Variants in ATP8A1 observed in about 807,000 individuals in gnomAD.
ATP8A1 encodes the protein phospholipid-transporting ATPase IA.
In ATP8A1, 90 loss-of-function variants were observed where a neutral mutation model predicts 177.7. The ratio of observed to expected loss-of-function variants is 0.51; its 90% CI spans 0.43 to 0.60. The LOEUF is 0.60. Among genes scored for constraint, ATP8A1 ranks in the 20% least tolerant of loss-of-function variants. The pLI is 0.00. For synonymous variants in ATP8A1, 493 were observed against 485.9 expected, an observed-to-expected ratio of 1.01 and a Z score of -0.19; for missense variants, 1,072 against 1,392.8, an observed-to-expected ratio of 0.77 and a Z score of 3.67.
chr4:42,442,831 T>C (rs1344828568), intron 33 of ATP8A1, among the ~76,000 whole-genome samples: 1 of 152,192 alleles, frequency 6.6e-6, no homozygotes, highest in Non-Finnish European at 1.5e-5. Context: ...TTACCTTGAT[T>C]TGCAAGTTAC....
At chr4:42,581,771 TA>T in intron 9 of ATP8A1, 39 bp from the exon 10 acceptor site, 1 of 1,464,546 alleles carries the variant, frequency 6.8e-7, no homozygotes, top group Non-Finnish European at 9.5e-7. Context: ...CAGTATTTTC[TA>T]AAATGCTTAA....
rs762230635 is a variant in ATP8A1 at position 42,627,135 on chromosome 4, C to T, written c.50-26G>A. 1.9e-5 allele frequency: 30 copies of T among 1,559,924 alleles called. No homozygotes were observed. The South Asian group carries it at 3.0e-4, about 16-fold the overall frequency. ...CTTAAAAAGAGATCTTCTTATTGTA[C>T]AAGAAATGTTTTATTGTCCAGACCA... On this transcript the variant is annotated intron_variant, in intron 1 of 36. Transcript: ENST00000381668.
intron 5 of ATP8A1, among the ~76,000 whole-genome samples, chr4:42,614,021 T>C (rs1736653682): frequency 6.6e-6 from 1 of 152,106 alleles, no homozygotes; most frequent in Admixed American, 6.6e-5. Context: ...TTGAATTGAG[T>C]TTTATATATA....
intron 18 of ATP8A1, 83 bp downstream of exon 18, chr4:42,551,115 G>A (rs1577566724): frequency 8.7e-7 from 1 of 1,151,504 alleles, no homozygotes; most frequent in Non-Finnish European, 1.3e-6. Flanking sequence ...ATTTTACTAT[G>A]AGCCTTTTGG....
intron 12 of ATP8A1, among the ~76,000 whole-genome samples, chr4:42,577,215 C>A (rs1732555071): frequency 6.6e-6 from 1 of 152,192 alleles, no homozygotes; most frequent in African/African-American, 2.4e-5. Flanking sequence ...TTATGTGATT[C>A]TCACAATGAG....
In ATP8A1 at chr4:42,479,908, G is replaced by A. The variant is rs149957476; in HGVS notation, c.2324+5588C>T. On this transcript the variant is annotated intron_variant, in intron 25 of 36. Transcript: ENST00000381668. ...TGTCACAGGAGTGTGTGCACTTTGC[G>A]AAAATCCCAAGCGGGTGCATTTATA... Among the ~76,000 whole-genome samples, 191 of 152,026 alleles carry A rather than the reference G, an allele frequency of 1.3e-3. 1 individual carries two copies. The highest frequency in any genetic ancestry group is 4.3e-3 in the African/African-American group (180 of 41,466).
In ATP8A1 at chr4:42,455,466, T is replaced by C. The variant is rs141738340; in HGVS notation, c.2695-47A>G. 423 of 1,613,606 alleles carry C rather than the reference T, an allele frequency of 2.6e-4. 2 individuals are homozygous for C. The African/African-American group carries it at 5.0e-3, about 19-fold the overall frequency. The stretch of plus-strand genomic sequence containing the variant: ...TTATGTCAAGCAGCCAAATGCAGGG[T>C]GAACCTTTATCTCCCAAGTATTCAA... On this transcript the variant is annotated intron_variant, in intron 28 of 36. Coordinates refer to ENST00000381668, the MANE Select transcript of ATP8A1 (RefSeq NM_006095.2).
intron 4 of ATP8A1, among the ~76,000 whole-genome samples, chr4:42,618,379 A>C (rs969697868): frequency 6.6e-6 from 1 of 152,176 alleles, no homozygotes; most frequent in Non-Finnish European, 1.5e-5. Context: ...AATATATACC[A>C]GTCAAAACTC....
chr4:42,636,119 T>TACAC (rs544619447), intron 1 of ATP8A1, among the ~76,000 whole-genome samples: 1,098 of 79,008 alleles, frequency 0.014, 11 homozygotes, highest in African/African-American at 0.039. Context: ...ATGGGCTTAA[T>TACAC]ACACACACAC....
intron 13 of ATP8A1, among the ~76,000 whole-genome samples, chr4:42,575,220 G>C (rs1732324694): frequency 6.6e-6 from 1 of 152,230 alleles, no homozygotes; most frequent in Admixed American, 6.5e-5. Flanking sequence ...ACACATATGT[G>C]AATATAGTAT....
chr4:42,532,381 G>C (rs181356158), intron 20 of ATP8A1, among the ~76,000 whole-genome samples: 2 of 152,088 alleles, frequency 1.3e-5, no homozygotes, highest in Admixed American at 1.3e-4. Context: ...AGCTACTCAG[G>C]AGGCTGAGGC....
At chr4:42,507,930 A>G (rs867351432) in intron 22 of ATP8A1, among the ~76,000 whole-genome samples, 1 of 152,044 alleles carries the variant, frequency 6.6e-6, no homozygotes, top group South Asian at 2.1e-4. Context: ...CAGGAAATGT[A>G]TACACAATTA....
intron 9 of ATP8A1, 100 bp from the exon 10 acceptor site, chr4:42,581,832 C>A: frequency 1.2e-6 from 1 of 824,522 alleles, no homozygotes; most frequent in South Asian, 1.7e-5. Context: ...TAAAATAACC[C>A]TTCTCATATT....
In ATP8A1 at chr4:42,422,804, T is replaced by C; in HGVS notation, c.3305+3A>G. On this transcript the variant is annotated splice_donor_region_variant and intron_variant, in intron 35 of 36. Coordinates refer to ENST00000381668, the MANE Select transcript of ATP8A1 (RefSeq NM_006095.2). ...AAAAGAATATATTCACTGTGTATTTTACCTTTTTCCAAGTACAACTGCTCC... is the reference window on the plus strand; with the variant it reads ...AAAAGAATATATTCACTGTGTATTTCACCTTTTTCCAAGTACAACTGCTCC... 1 of 1,608,774 alleles carries C rather than the reference T, an allele frequency of 6.2e-7. No individual in the cohort carries two copies. Among genetic ancestry groups the C allele is most frequent in the South Asian group, 1.1e-5 (1 of 90,830 alleles).
At chr4:42,503,815 A>C (rs940794918) in intron 23 of ATP8A1, among the ~76,000 whole-genome samples, 1 of 152,222 alleles carries the variant, frequency 6.6e-6, no homozygotes, top group Non-Finnish European at 1.5e-5. Flanking sequence ...ATGATAACCA[A>C]CATGAAGAGC....
chr4:42,492,283 T>C (rs1194130322), intron 24 of ATP8A1, among the ~76,000 whole-genome samples: 1 of 152,206 alleles, frequency 6.6e-6, no homozygotes, highest in Non-Finnish European at 1.5e-5. Flanking sequence ...AGGAGGATTC[T>C]ATTCCCAGAA....
intron 6 of ATP8A1, chr4:42,594,405 A>G (rs1241010499): frequency 9.2e-7 from 1 of 1,083,736 alleles, no homozygotes; most frequent in East Asian, 2.4e-5. Flanking sequence ...GCATTGAAAG[A>G]TAGTTACAAA....
intron 20 of ATP8A1, among the ~76,000 whole-genome samples, chr4:42,530,885 C>T (rs1318596662): frequency 6.6e-6 from 1 of 152,218 alleles, no homozygotes; most frequent in Non-Finnish European, 1.5e-5. Flanking sequence ...TAGTGATCCA[C>T]TAGCAACATT....
rs1715610826 is a variant in ATP8A1, at chr4:42,433,948, A to C, written c.3123+9617T>G. Among the ~76,000 whole-genome samples the C allele has an allele frequency of 2.0e-5, 3 of 152,124 alleles. No homozygotes were observed. The South Asian group carries it at 6.2e-4, about 32-fold the overall frequency. ...AAACTAGAAGTTAATTTTTATAAAAAATTTTTTGACTATATATCAATGCAT... is the reference window on the plus strand; with the variant it reads ...AAACTAGAAGTTAATTTTTATAAAACATTTTTTGACTATATATCAATGCAT... On this transcript the variant is annotated intron_variant, in intron 33 of 36. Coordinates refer to ENST00000381668, the MANE Select transcript of ATP8A1 (RefSeq NM_006095.2).
Sources: gnomAD v4.1 joint callset for allele counts (sites outside exome capture counted in the v4.1 genomes callset) on GRCh38, gnomAD v4.1.1 for gene constraint, MANE v1.5 for transcripts, NCBI Gene and HGNC (gene_info 2026-07-23, HGNC 2026-07-21) for gene names.